Variants in ESF1 observed in about 807,000 individuals in gnomAD.
ESF1 encodes the protein ESF1 homolog.
In ESF1, 58 loss-of-function variants were observed where a neutral mutation model predicts 92.0. That is an observed-to-expected ratio of 0.63 (90% confidence interval 0.51 to 0.78). ESF1 has a LOEUF of 0.78. Among genes scored for constraint, ESF1 ranks in the 30% least tolerant of loss-of-function variants. The pLI is 0.00. For synonymous variants in ESF1, 321 were observed against 313.7 expected (o/e 1.02, Z -0.24); for missense variants, 922 against 989.1 (o/e 0.93, Z 0.91).
chr20:13,735,606 T>C (rs1329372522), intron 9 of ESF1, among the ~76,000 whole-genome samples: 6 of 152,154 alleles, frequency 3.9e-5, no homozygotes, highest in Non-Finnish European at 7.4e-5. Context: ...ATTTATGTAT[T>C]CTGCCCATAG....
chr20:13,751,477 A>T (rs1978631965), intron 9 of ESF1, among the ~76,000 whole-genome samples: 4 of 152,236 alleles, frequency 2.6e-5, no homozygotes, highest in Admixed American at 2.6e-4. Flanking sequence ...ACATGCAAAC[A>T]GCGGGAAGGA....
In ESF1 at chr20:13,782,740, G is replaced by A. The variant is rs576513655; in HGVS notation, c.401C>T (p.Ser134Phe). ...GGTTTTCATTTTTTTAATTCCTATA[G>A]AATTATCTAAATCAGTTTTATTTTC... is the stretch of plus-strand genomic sequence containing the variant. ...GSENKTDLDN[S>F]IGIKKMKTSC... The change falls in exon 2 of 14, where the codon TCT (serine) becomes TTT (phenylalanine). Residue 134 changes from serine (S) to phenylalanine (F), a missense_variant. Transcript: ENST00000617257. The A allele has an allele frequency of 1.2e-5, 19 of 1,593,720 alleles. No homozygotes were observed. The African/African-American group carries it at 2.3e-4, about 19-fold the overall frequency.
Position 13,715,100 on chromosome 20 carries a change from T to C in ESF1, c.2330A>G (p.Asp777Gly), listed in dbSNP as rs2049815135. ...TSHLFNLDPS[D>G]PNFKKTKAME... ...AGCTTTTGTTTTCTTGAAATTGGGATCTGAGGGGTCCAAATTGAACAAGTG... is the reference window on the plus strand; with the variant it reads ...AGCTTTTGTTTTCTTGAAATTGGGACCTGAGGGGTCCAAATTGAACAAGTG... The change falls in exon 14 of 14, where the codon GAT becomes GGT. Residue 777 changes from aspartate (D) to glycine (G), a missense_variant. Coordinates refer to ENST00000617257, the MANE Select transcript of ESF1 (RefSeq NM_001276380.2). 6.2e-7 allele frequency: 1 copy of C among 1,613,486 alleles called. No individual in the cohort carries two copies.
At chr20:13,752,776 AG>A (rs1240608478) in intron 9 of ESF1, among the ~76,000 whole-genome samples, 1 of 152,212 alleles carries the variant, frequency 6.6e-6, no homozygotes, top group Non-Finnish European at 1.5e-5. Flanking sequence ...GTGGCAGGGG[AG>A]GACGAAGGAT....
At chr20:13,729,539 G>T (rs550826854) in intron 10 of ESF1, among the ~76,000 whole-genome samples, 1 of 152,184 alleles carries the variant, frequency 6.6e-6, no homozygotes, top group Non-Finnish European at 1.5e-5. Context: ...ATGGGAGGTG[G>T]CATTTTCTCT....
chr20:13,742,767 C>A (rs1191219637), intron 9 of ESF1, among the ~76,000 whole-genome samples: 1 of 151,978 alleles, frequency 6.6e-6, no homozygotes, highest in Non-Finnish European at 1.5e-5. Context: ...GTATCCCAAA[C>A]ACACCCACAC....
At chr20:13,775,834 G>A (rs1336006267) in intron 3 of ESF1, 39 bp downstream of exon 3, 1 of 1,551,878 alleles carries the variant, frequency 6.4e-7, no homozygotes, top group Non-Finnish European at 8.7e-7. Flanking sequence ...TGCTTGTACT[G>A]TGTTTTTCAC....
chr20:13,728,325 C>A, intron 11 of ESF1, 53 bp downstream of exon 11: 1 of 1,377,878 alleles, frequency 7.3e-7, no homozygotes, highest in South Asian at 1.2e-5. Context: ...TTCCATGTAC[C>A]TCACCTTTTT....
intron 9 of ESF1, among the ~76,000 whole-genome samples, chr20:13,746,755 G>A (rs536438769): frequency 4.3e-4 from 66 of 152,260 alleles, no homozygotes; most frequent in South Asian, 2.1e-3. Context: ...ATAAAAAACA[G>A]AAATCATAAA....
At chr20:13,746,216 T>C (rs1243176275) in intron 9 of ESF1, among the ~76,000 whole-genome samples, 1 of 152,064 alleles carries the variant, frequency 6.6e-6, no homozygotes, top group African/African-American at 2.4e-5. Context: ...CTGCCTGTCT[T>C]GGCCTCCCAA....
chr20:13,749,074 AT>A (rs959377339), intron 9 of ESF1, among the ~76,000 whole-genome samples: 4 of 148,524 alleles, frequency 2.7e-5, no homozygotes, highest in South Asian at 2.2e-4. Flanking sequence ...AATTATTATT[AT>A]TTTTTTTTGA....
intron 9 of ESF1, among the ~76,000 whole-genome samples, chr20:13,753,386 T>G (rs73256776): frequency 0.011 from 1,680 of 150,592 alleles, 28 homozygotes; most frequent in African/African-American, 0.039. Flanking sequence ...TCCCATCCAC[T>G]GGCTGGCCCT....
At chr20:13,775,660 C>G (rs1979897809) in intron 3 of ESF1, among the ~76,000 whole-genome samples, 1 of 152,108 alleles carries the variant, frequency 6.6e-6, no homozygotes, top group African/African-American at 2.4e-5. Flanking sequence ...TTAAAAATTT[C>G]ATGCAACTTT....
At chr20:13,748,006 A>C (rs1863634812) in intron 9 of ESF1, among the ~76,000 whole-genome samples, 1 of 152,208 alleles carries the variant, frequency 6.6e-6, no homozygotes, top group Non-Finnish European at 1.5e-5. Context: ...TAAAAAAGGC[A>C]ATGTGTTGTG....
chr20:13,763,730 T>C (rs908409184), intron 8 of ESF1, among the ~76,000 whole-genome samples: 1 of 152,202 alleles, frequency 6.6e-6, no homozygotes, highest in Non-Finnish European at 1.5e-5. Flanking sequence ...TTATTTGGAA[T>C]GCCAAAAGAA....
chr20:13,770,028 A>C lies in ESF1; in HGVS notation c.1404-7T>G, dbSNP rs764203459. The C allele has an allele frequency of 7.1e-6, 11 of 1,544,036 alleles. No individual in the cohort carries two copies. The highest frequency in any genetic ancestry group is 1.9e-5 in the Admixed American group (1 of 52,874). ...AATATCATCTGGTATAAACCTAAGA[A>C]GTAAAGAAAAAAAATTTATTTAAAA... On this transcript the variant is annotated splice_polypyrimidine_tract_variant and splice_region_variant and intron_variant, in intron 6 of 13. Coordinates refer to ENST00000617257, the MANE Select transcript of ESF1 (RefSeq NM_001276380.2).
chr20:13,714,909 G>T lies in ESF1; in HGVS notation c.2521C>A (p.Gln841Lys), dbSNP rs1054972446. ...LIKSIKTKTE[Q>K]FQARKKQKVK ...TTTTGCTTTTTTCTTGCTTGAAACT[G>T]CTCTGTTTTGGTTTTTATAGATTTA... The change falls in exon 14 of 14, where the codon CAG (glutamine) becomes AAG (lysine). Residue 841 changes from glutamine (Q) to lysine (K), a missense_variant. Physicochemically the swap from Gln to Lys is moderately conservative, Grantham distance 53. Transcript: ENST00000617257. 6.2e-7 allele frequency: 1 copy of T among 1,610,258 alleles called. No individual in the cohort carries two copies. The highest frequency in any genetic ancestry group is 8.5e-7 in the Non-Finnish European group (1 of 1,178,602).
Position 13,715,167 on chromosome 20 carries a change from C to A in ESF1, c.2263G>T (p.Val755Leu). The change falls in exon 14 of 14, where the codon GTA (valine) becomes TTA (leucine). Residue 755 changes from valine (V) to leucine (L), a missense_variant and splice_region_variant. Coordinates refer to ENST00000617257, the MANE Select transcript of ESF1 (RefSeq NM_001276380.2). ...KKELIEDDFE[V>L]NVNDARFQAM... Reference sequence around the variant, plus strand: ...TGAAACCGTGCATCGTTAACATTTACCTGCAAATCCAAAAAAAAAAAAAAT... The same window carrying A: ...TGAAACCGTGCATCGTTAACATTTAACTGCAAATCCAAAAAAAAAAAAAAT... 1.4e-6 allele frequency: 2 copies of A among 1,461,326 alleles called. No homozygotes were observed. The highest frequency in any genetic ancestry group is 2.0e-4 in the Middle Eastern group (1 of 5,058). The allele number at this position is 1,461,326 out of a possible 1,614,324, so 90.5% of individuals were successfully genotyped here. A position where few individuals can be genotyped will look rare whatever the true frequency, so the allele number is the denominator to read the frequency against.
At chr20:13,741,520 G>A (rs1357573494) in intron 9 of ESF1, among the ~76,000 whole-genome samples, 1 of 152,134 alleles carries the variant, frequency 6.6e-6, no homozygotes, top group African/African-American at 2.4e-5. Context: ...TCTGGTACAT[G>A]AGAGGTGACA....
Sources: allele counts gnomAD v4.1 joint callset (sites outside exome capture counted in the v4.1 genomes callset), GRCh38; gene constraint gnomAD v4.1.1; transcripts MANE v1.5; gene names NCBI Gene and HGNC (gene_info 2026-07-23, HGNC 2026-07-21).